Variants in ZFPM2 observed in about 807,000 individuals in gnomAD.
ZFPM2 encodes zinc finger protein, FOG family member 2.
In ZFPM2, 20 loss-of-function variants were observed where a neutral mutation model predicts 98.6. The ratio of observed to expected loss-of-function variants is 0.20; its 90% CI spans 0.14 to 0.29. The LOEUF (loss-of-function observed/expected upper bound fraction) is 0.29. Ranked by LOEUF, ZFPM2 falls within the 10% of genes least tolerant of loss-of-function variation. The pLI is 1.00. For missense variants in ZFPM2, 1,310 were observed against 1,388.6 expected (o/e 0.94, Z 0.90); for synonymous variants, 518 against 502.7 (o/e 1.03, Z -0.41).
intron 4 of ZFPM2, among the ~76,000 whole-genome samples, chr8:105,584,361 C>T (rs1418785807): frequency 6.6e-6 from 1 of 151,830 alleles, no homozygotes; most frequent in Non-Finnish European, 1.5e-5. Context: ...ATTCTAACAG[C>T]AAGAAAAAAA....
At chr8:105,754,851 G>C (rs1812560168) in intron 5 of ZFPM2, among the ~76,000 whole-genome samples, 1 of 152,028 alleles carries the variant, frequency 6.6e-6, no homozygotes, top group Non-Finnish European at 1.5e-5. Flanking sequence ...GCTATTGTTA[G>C]GAGGTTTTTT....
chr8:105,592,419 G>A (rs1354976248), intron 4 of ZFPM2, among the ~76,000 whole-genome samples: 1 of 152,080 alleles, frequency 6.6e-6, no homozygotes, highest in Non-Finnish European at 1.5e-5. Flanking sequence ...TCACATTTTG[G>A]TGCAGTTACA....
chr8:105,769,539 G>A (rs1316075803), intron 5 of ZFPM2, among the ~76,000 whole-genome samples: 1 of 151,962 alleles, frequency 6.6e-6, no homozygotes, highest in Admixed American at 6.6e-5. Flanking sequence ...ATGGGAGAGG[G>A]CTTGGGAGGG....
intron 4 of ZFPM2, among the ~76,000 whole-genome samples, chr8:105,583,959 G>T (rs939069312): frequency 2.0e-5 from 3 of 152,046 alleles, no homozygotes; most frequent in African/African-American, 7.2e-5. Flanking sequence ...TGCCTAGAAT[G>T]TTCGTGATAA....
At chr8:105,423,330 G>A (rs187385567) in intron 2 of ZFPM2, among the ~76,000 whole-genome samples, 27 of 152,112 alleles carry the variant, frequency 1.8e-4, no homozygotes, top group Middle Eastern at 3.4e-3. Context: ...TGGATTAATT[G>A]CACATTTCAT....
chr8:105,516,505 T>A (rs960359066), intron 3 of ZFPM2, among the ~76,000 whole-genome samples: 3 of 152,234 alleles, frequency 2.0e-5, no homozygotes, highest in Non-Finnish European at 4.4e-5. Flanking sequence ...AGTGGTAGTT[T>A]TTAAAATATT....
chr8:105,596,219 T>C (rs914503020), intron 4 of ZFPM2, among the ~76,000 whole-genome samples: 1 of 151,812 alleles, frequency 6.6e-6, no homozygotes, highest in South Asian at 2.1e-4. Flanking sequence ...TCTGGTCCAG[T>C]CAGGTTAAAA....
chr8:105,583,192 G>A (rs1417531649), intron 4 of ZFPM2, among the ~76,000 whole-genome samples: 1 of 151,906 alleles, frequency 6.6e-6, no homozygotes, highest in Non-Finnish European at 1.5e-5. Flanking sequence ...AGTGAAATAT[G>A]GAATGGAATA....
intron 1 of ZFPM2, among the ~76,000 whole-genome samples, chr8:105,385,108 C>T (rs139606672): frequency 1.1e-4 from 16 of 152,254 alleles, no homozygotes; most frequent in Non-Finnish European, 1.9e-4. Flanking sequence ...GCAGACTATA[C>T]GAGACCACTT....
At chr8:105,649,776 A>G (rs567197071) in intron 5 of ZFPM2, among the ~76,000 whole-genome samples, 42 of 152,084 alleles carry the variant, frequency 2.8e-4, no homozygotes, top group African/African-American at 9.4e-4. Flanking sequence ...TGCTGGATTC[A>G]GTTTGCCAGT....
chr8:105,756,375 G>T (rs74632753), intron 5 of ZFPM2, among the ~76,000 whole-genome samples: 3 of 152,146 alleles, frequency 2.0e-5, no homozygotes, highest in East Asian at 3.9e-4. Context: ...ACACCAACAC[G>T]AAGCACTTGT....
At chr8:105,337,204 A>G (rs2129646307) in intron 1 of ZFPM2, among the ~76,000 whole-genome samples, 1 of 151,912 alleles carries the variant, frequency 6.6e-6, no homozygotes, top group African/African-American at 2.4e-5. Flanking sequence ...TCCAATGCCA[A>G]GAATTTGGCA....
At chr8:105,642,257 G>A (rs1816961966) in intron 5 of ZFPM2, among the ~76,000 whole-genome samples, 1 of 152,032 alleles carries the variant, frequency 6.6e-6, no homozygotes, top group South Asian at 2.1e-4. Context: ...ATGCGGCTTT[G>A]TGCCTAACAT....
At chr8:105,570,491 A>G (rs1202843521) in intron 4 of ZFPM2, among the ~76,000 whole-genome samples, 1 of 152,146 alleles carries the variant, frequency 6.6e-6, no homozygotes, top group East Asian at 1.9e-4. Flanking sequence ...TCAATTGCAT[A>G]TTAATCTGAA....
At chr8:105,533,187 A>G (rs1243424131) in intron 3 of ZFPM2, among the ~76,000 whole-genome samples, 1 of 152,188 alleles carries the variant, frequency 6.6e-6, no homozygotes, top group African/African-American at 2.4e-5. Context: ...ACTGGAGCAA[A>G]GTAGACTGCA....
At chr8:105,510,787 T>C (rs987535188) in intron 3 of ZFPM2, among the ~76,000 whole-genome samples, 2 of 152,154 alleles carry the variant, frequency 1.3e-5, no homozygotes, top group African/African-American at 4.8e-5. Context: ...ACTCAGGCAC[T>C]AGGGTGGGGA....
intron 4 of ZFPM2, among the ~76,000 whole-genome samples, chr8:105,613,890 TA>T (rs1816360936): frequency 6.6e-6 from 1 of 152,206 alleles, no homozygotes. Flanking sequence ...TTACATGATG[TA>T]ACTGTCTTTC....
rs1347402817 is a variant in ZFPM2, at chr8:105,640,138, G to T, written c.532+5781G>T. On this transcript the variant is annotated intron_variant, in intron 5 of 7. Coordinates refer to ENST00000407775, the MANE Select transcript of ZFPM2 (RefSeq NM_012082.4). The stretch of plus-strand genomic sequence containing the variant: ...TTACAGATGAATAAATTTAGGTTTC[G>T]ATGGGTTAAGTAAGTTAAAATGAAG... Among the ~76,000 whole-genome samples the T allele has an allele frequency of 3.3e-5, 5 of 151,864 alleles. No homozygotes were observed. In the East Asian group the frequency reaches 5.8e-4, roughly 18 times the overall value.
intron 3 of ZFPM2, among the ~76,000 whole-genome samples, chr8:105,465,040 A>G (rs1012092185): frequency 1.3e-5 from 2 of 151,734 alleles, no homozygotes; most frequent in African/African-American, 2.4e-5. Flanking sequence ...GGGAAATTCT[A>G]TAATTGATTT....
Sources: allele counts gnomAD v4.1 joint callset (sites outside exome capture counted in the v4.1 genomes callset), GRCh38; gene constraint gnomAD v4.1.1; transcripts MANE v1.5; gene names NCBI Gene and HGNC (gene_info 2026-07-23, HGNC 2026-07-21).